The following MAGI1 variants were observed in gnomAD, a reference collection of about 807,000 sequenced individuals.
The protein encoded by MAGI1 is membrane associated guanylate kinase, WW and PDZ domain containing 1.
A neutral mutation model predicts 139.9 loss-of-function variants in MAGI1; 58 were observed. That is an observed-to-expected ratio of 0.41 (90% confidence interval 0.34 to 0.52). The LOEUF is 0.52. Among genes scored for constraint, MAGI1 ranks in the 20% least tolerant of loss-of-function variants. MAGI1 has a pLI of 0.12. For synonymous variants in MAGI1, 812 were observed against 737.9 expected (o/e 1.10, Z -1.63); for missense variants, 1,874 against 1,901.6 (o/e 0.99, Z 0.27).
chr3:65,538,201 C>T (rs185688261), intron 2 of MAGI1, among the ~76,000 whole-genome samples: 7 of 152,278 alleles, frequency 4.6e-5, no homozygotes, highest in Non-Finnish European at 1.0e-4. Flanking sequence ...TCTGCCTTTT[C>T]CACTAACTTA....
intron 1 of MAGI1, among the ~76,000 whole-genome samples, chr3:65,812,433 C>T (rs1360594887): frequency 7.0e-6 from 1 of 142,998 alleles, no homozygotes; most frequent in African/African-American, 2.8e-5. Context: ...TTTATAAAAT[C>T]TCTCTCTCTC....
At chr3:65,999,514 T>C (rs979024660) in intron 1 of MAGI1, among the ~76,000 whole-genome samples, 1 of 151,790 alleles carries the variant, frequency 6.6e-6, no homozygotes, top group Non-Finnish European at 1.5e-5. Flanking sequence ...CCTAACAGAG[T>C]CTTCAGGCCT....
At chr3:65,398,132 T>C (rs1313699604) in intron 13 of MAGI1, among the ~76,000 whole-genome samples, 1 of 152,134 alleles carries the variant, frequency 6.6e-6, no homozygotes, top group Admixed American at 6.5e-5. Context: ...AAACCTGTTA[T>C]TTAATGGGTT....
intron 1 of MAGI1, among the ~76,000 whole-genome samples, chr3:65,859,772 AC>A (rs1482882975): frequency 3.3e-5 from 5 of 151,882 alleles, no homozygotes; most frequent in African/African-American, 4.8e-5. Flanking sequence ...CCCCAAACAG[AC>A]CAGGTTTTCT....
At chr3:65,646,133 C>T (rs187164996) in intron 1 of MAGI1, among the ~76,000 whole-genome samples, 1 of 151,694 alleles carries the variant, frequency 6.6e-6, no homozygotes, top group East Asian at 1.9e-4. Context: ...AAAAACATAA[C>T]CCAACTATAT....
At chr3:65,596,285 T>C (rs2082191861) in intron 2 of MAGI1, among the ~76,000 whole-genome samples, 1 of 152,166 alleles carries the variant, frequency 6.6e-6, no homozygotes, top group South Asian at 2.1e-4. Context: ...AATATAAAAG[T>C]CACAATGCCC....
intron 2 of MAGI1, among the ~76,000 whole-genome samples, chr3:65,537,376 C>T (rs899771962): frequency 1.3e-5 from 2 of 152,186 alleles, no homozygotes; most frequent in Non-Finnish European, 2.9e-5. Flanking sequence ...CCTTTCACTC[C>T]TTTCTCTGTG....
chr3:65,608,097 TA>T (rs1341951951), intron 2 of MAGI1, among the ~76,000 whole-genome samples: 1 of 152,130 alleles, frequency 6.6e-6, no homozygotes, highest in African/African-American at 2.4e-5. Context: ...AATCAAAATT[TA>T]AAACCCAGTT....
intron 1 of MAGI1, among the ~76,000 whole-genome samples, chr3:65,680,054 A>T (rs1367285117): frequency 6.6e-6 from 1 of 152,194 alleles, no homozygotes; most frequent in African/African-American, 2.4e-5. Context: ...CTTTGATCCC[A>T]AAGCTTTTTC....
intron 1 of MAGI1, among the ~76,000 whole-genome samples, chr3:66,037,580 T>C (rs1441701947): frequency 6.6e-6 from 1 of 152,144 alleles, no homozygotes; most frequent in Non-Finnish European, 1.5e-5. Context: ...TCTCTTTCTG[T>C]ATACCCACTC....
rs373122103 is a variant in MAGI1, at chr3:65,933,780, A to C, written c.313+104216T>G. On this transcript the variant is annotated intron_variant, in intron 1 of 22. Transcript: ENST00000402939. ...ATATCTTAAATGAGCCTATTTTATT[A>C]ATTGTTTATCATCATATGTATGCAC... Among the ~76,000 whole-genome samples, 37 of 152,336 alleles carry C rather than the reference A, an allele frequency of 2.4e-4. No individual in the cohort carries two copies. In the East Asian group the frequency reaches 6.0e-3, roughly 25 times the overall value.
At chr3:65,439,838 G>A in intron 9 of MAGI1, 41 bp downstream of exon 9, 2 of 1,605,280 alleles carry the variant, frequency 1.2e-6, no homozygotes, top group Non-Finnish European at 1.7e-6. Flanking sequence ...TTCACCCCAT[G>A]CTCCCCTGAT....
At chr3:65,502,620 A>G (rs2077124931) in intron 2 of MAGI1, among the ~76,000 whole-genome samples, 1 of 152,178 alleles carries the variant, frequency 6.6e-6, no homozygotes, top group South Asian at 2.1e-4. Flanking sequence ...ATTTTCAGAC[A>G]GCTGCCTTTT....
intron 1 of MAGI1, among the ~76,000 whole-genome samples, chr3:65,690,047 A>C (rs904325165): frequency 1.3e-5 from 2 of 152,124 alleles, no homozygotes; most frequent in Non-Finnish European, 2.9e-5. Context: ...AGCTGCACAC[A>C]ATCCAGCTCT....
At chr3:65,680,845 A>C (rs570635878) in intron 1 of MAGI1, among the ~76,000 whole-genome samples, 1 of 152,192 alleles carries the variant, frequency 6.6e-6, no homozygotes, top group East Asian at 1.9e-4. Flanking sequence ...TTATGGGACA[A>C]CCAGGCACAC....
intron 1 of MAGI1, among the ~76,000 whole-genome samples, chr3:65,636,725 T>TACACAC (rs774592349): frequency 2.6e-3 from 318 of 123,760 alleles, no homozygotes; most frequent in African/African-American, 8.2e-3. Flanking sequence ...CACACACACA[T>TACACAC]ACACACACAC....
chr3:65,380,434 C>T (rs1942951823), intron 16 of MAGI1, among the ~76,000 whole-genome samples: 1 of 152,074 alleles, frequency 6.6e-6, no homozygotes, highest in Non-Finnish European at 1.5e-5. Context: ...TTTGTGCAAC[C>T]ATCATCATCA....
chr3:65,618,694 C>T (rs74560126), intron 2 of MAGI1, among the ~76,000 whole-genome samples: 5,558 of 152,240 alleles, frequency 0.037, 127 homozygotes, highest in Non-Finnish European at 0.058. Context: ...GCTGTGTGAC[C>T]TTAAGCAAAC....
intron 2 of MAGI1, among the ~76,000 whole-genome samples, chr3:65,543,035 G>A (rs1373385740): frequency 6.6e-6 from 1 of 150,718 alleles, no homozygotes; most frequent in African/African-American, 2.4e-5. Flanking sequence ...AATCTACAAG[G>A]AACTTAAACA....
Sources: allele counts gnomAD v4.1 joint callset (sites outside exome capture counted in the v4.1 genomes callset), GRCh38; gene constraint gnomAD v4.1.1; transcripts MANE v1.5; gene names NCBI Gene and HGNC (gene_info 2026-07-23, HGNC 2026-07-21).